DEFB129: variants seen among roughly 807,000 people sequenced by gnomAD.
DEFB129 encodes defensin beta 129, also known as beta-defensin 129.
In DEFB129, 2 loss-of-function variants were observed where a neutral mutation model predicts 2.5. The ratio of observed to expected loss-of-function variants is 0.80; its 90% CI spans 0.33 to 2.53. The LOEUF is 2.53. Ranked by LOEUF, DEFB129 falls within the 30% of genes most tolerant of loss-of-function variation. DEFB129 has a pLI of 0.11. For missense variants in DEFB129, 177 were observed against 216.9 expected (o/e 0.82, Z 1.16); for synonymous variants, 76 against 74.4 (o/e 1.02, Z -0.11).
intron 1 of DEFB129, 134 bp downstream of exon 1, chr20:227,480 T>C (rs1313930639): frequency 1.6e-5 from 17 of 1,043,470 alleles, no homozygotes; most frequent in African/African-American, 3.1e-5. Context: ...GCTTACCTAT[T>C]GTATCAGTCA....
At position 227,262 on chromosome 20, in the gene DEFB129, T is replaced by C. The variant is rs2298148; in HGVS notation, c.-27T>C. 0.1 allele frequency: 166,268 copies of C among 1,613,648 alleles called. 11,594 individuals carry two copies. Among genetic ancestry groups the C allele is most frequent in the African/African-American group, 0.33 (24,966 of 74,956 alleles). ...GGAGCTCAGGAGCATCAACCCAGAT[T>C]CAAGGCTTCCTCTCTGGCACCCAAC... is the stretch of plus-strand genomic sequence containing the variant. On this transcript the variant is annotated 5_prime_UTR_variant, in exon 1 of 2. Transcript: ENST00000246105.
Position 229,538 on chromosome 20 carries a change from A to T in DEFB129, c.319A>T (p.Ser107Cys). The change falls in exon 2 of 2, where the codon AGC becomes TGC. Residue 107 changes from serine to cysteine, a missense_variant. By Grantham distance (112) the Ser-to-Cys change is moderately radical (BLOSUM62 -1). Coordinates refer to ENST00000246105, the MANE Select transcript of DEFB129 (RefSeq NM_080831.4). ...TTTATCTGTTCTCCCCCAAATCAAA[A>T]GCACTAGCTTTTTTGCTAATACCAA... ...HILSVLPQIK[S>C]TSFFANTNFV... is the part of the protein sequence containing the mutation. The T allele has an allele frequency of 6.2e-7, 1 of 1,614,202 alleles. No individual in the cohort carries two copies. The highest frequency in any genetic ancestry group is 8.5e-7 in the Non-Finnish European group (1 of 1,180,040).
At chr20:228,615 T>C (rs923957000) in intron 1 of DEFB129, among the ~76,000 whole-genome samples, 1 of 152,198 alleles carries the variant, frequency 6.6e-6, no homozygotes, top group African/African-American at 2.4e-5. Flanking sequence ...GGAAAAGTCA[T>C]TCAGCAGATA....
At position 229,589 on chromosome 20, in the gene DEFB129, C is replaced by T. The variant is rs777725733; in HGVS notation, c.370C>T (p.Pro124Ser). ...CTTTGTCATCATTCCAAATGCCACC[C>T]CTATGAACTCTGCCACCATCAGCAC... ...TNFVIIPNAT[P>S]MNSATISTMT... Residue 124 changes from proline (P) to serine (S), a missense_variant, in exon 2 of 2, where the codon CCT becomes TCT. Physicochemically the swap from Pro to Ser is moderately conservative, Grantham distance 74 (BLOSUM62 -1). Transcript: ENST00000246105. 14 of 1,614,028 alleles carry T rather than the reference C, an allele frequency of 8.7e-6. No homozygotes were observed. The highest frequency in any genetic ancestry group is 7.7e-5 in the South Asian group (7 of 91,082).
chr20:229,642 T>A lies in DEFB129; in HGVS notation c.423T>A (p.Thr141=), dbSNP rs1373506141. 1 of 1,614,034 alleles carries A rather than the reference T, an allele frequency of 6.2e-7. No homozygotes were observed. The highest frequency in any genetic ancestry group is 8.5e-7 in the Non-Finnish European group (1 of 1,180,032). ...TGACCCCAGGACAGATCACATACAC[T>A]GCTACTTCTACCAAGAGTAACACCA... ...STMTPGQITY[T]ATSTKSNTKE... The change falls in exon 2 of 2, where the codon ACT becomes ACA. Residue 141 remains threonine (T), a synonymous_variant. Coordinates refer to ENST00000246105, the MANE Select transcript of DEFB129 (RefSeq NM_080831.4).
intron 1 of DEFB129, among the ~76,000 whole-genome samples, chr20:227,928 T>G (rs1243015169): frequency 6.6e-6 from 1 of 152,144 alleles, no homozygotes; most frequent in Non-Finnish European, 1.5e-5. Context: ...AGTTTGTGCT[T>G]GGTGTAGAAA....
At chr20:228,085 C>A (rs1011968464) in intron 1 of DEFB129, among the ~76,000 whole-genome samples, 2 of 152,172 alleles carry the variant, frequency 1.3e-5, no homozygotes, top group African/African-American at 4.8e-5. Context: ...CCCAAACTAC[C>A]ATAAGGGCAT....
At chr20:227,704 A>T (rs13038670) in intron 1 of DEFB129, among the ~76,000 whole-genome samples, 50,883 of 119,618 alleles carry the variant, frequency 0.43, 9,228 homozygotes, top group South Asian at 0.48. Context: ...CTTTTTTTTT[A>T]AAAAAAGTCC....
Position 229,590 on chromosome 20 carries a change from C to T in DEFB129, c.371C>T (p.Pro124Leu). 1.9e-6 allele frequency: 3 copies of T among 1,614,190 alleles called. No individual in the cohort carries two copies. The highest frequency in any genetic ancestry group is 2.5e-6 in the Non-Finnish European group (3 of 1,180,022). The change falls in exon 2 of 2, where the codon CCT becomes CTT. Residue 124 changes from proline (P) to leucine (L), a missense_variant. By Grantham distance (98) the Pro-to-Leu change is moderately conservative. Transcript: ENST00000246105. ...TNFVIIPNAT[P>L]MNSATISTMT... Reference sequence around the variant, plus strand: ...TTTGTCATCATTCCAAATGCCACCCCTATGAACTCTGCCACCATCAGCACT... The same window carrying T: ...TTTGTCATCATTCCAAATGCCACCCTTATGAACTCTGCCACCATCAGCACT...
chr20:227,264 A>G lies in DEFB129; in HGVS notation c.-25A>G. ...AGCTCAGGAGCATCAACCCAGATTC[A>G]AGGCTTCCTCTCTGGCACCCAACCA... is the stretch of plus-strand genomic sequence containing the variant. On this transcript the variant is annotated 5_prime_UTR_variant, in exon 1 of 2. Transcript: ENST00000246105. The G allele has an allele frequency of 6.2e-7, 1 of 1,613,904 alleles. No individual in the cohort carries two copies. The highest frequency in any genetic ancestry group is 1.3e-5 in the African/African-American group (1 of 75,064).
intron 1 of DEFB129, among the ~76,000 whole-genome samples, chr20:228,302 A>G (rs1473226475): frequency 1.3e-5 from 2 of 152,202 alleles, no homozygotes; most frequent in Non-Finnish European, 2.9e-5. Context: ...TTGGGACCCT[A>G]GGAAAAGGGT....
chr20:229,565 T>C lies in DEFB129; in HGVS notation c.346T>C (p.Phe116Leu). 1 of 1,614,148 alleles carries C rather than the reference T, an allele frequency of 6.2e-7. No individual in the cohort carries two copies. Among genetic ancestry groups the C allele is most frequent in the Admixed American group, 1.7e-5 (1 of 60,018 alleles). The change falls in exon 2 of 2, where the codon TTT (phenylalanine) becomes CTT (leucine). Residue 116 changes from phenylalanine to leucine, a missense_variant. Physicochemically the swap from Phe to Leu is conservative, Grantham distance 22. Transcript: ENST00000246105. ...KSTSFFANTN[F>L]VIIPNATPMN... Reference sequence around the variant, plus strand: ...CACTAGCTTTTTTGCTAATACCAACTTTGTCATCATTCCAAATGCCACCCC... The same window carrying C: ...CACTAGCTTTTTTGCTAATACCAACCTTGTCATCATTCCAAATGCCACCCC...
At chr20:227,962 CA>C (rs113262945) in intron 1 of DEFB129, among the ~76,000 whole-genome samples, 6 of 150,374 alleles carry the variant, frequency 4.0e-5, no homozygotes, top group Non-Finnish European at 8.9e-5. Flanking sequence ...CCCTCATGCT[CA>C]AAAAAAAACC....
intron 1 of DEFB129, among the ~76,000 whole-genome samples, chr20:227,694 C>CCTTTT (rs1555766363): frequency 1.4e-5 from 2 of 143,446 alleles, no homozygotes; most frequent in African/African-American, 5.9e-5. Flanking sequence ...CTTAAAAGCC[C>CCTTTT]TTTTTTTTTA....
In DEFB129 at chr20:229,676, A is replaced by G. The variant is rs767786446; in HGVS notation, c.457A>G (p.Arg153Gly). 1 of 1,614,108 alleles carries G rather than the reference A, an allele frequency of 6.2e-7. No individual in the cohort carries two copies. The highest frequency in any genetic ancestry group is 8.5e-7 in the Non-Finnish European group (1 of 1,180,024). The change falls in exon 2 of 2, where the codon AGA becomes GGA. Residue 153 changes from arginine (R) to glycine (G), a missense_variant. Coordinates refer to ENST00000246105, the MANE Select transcript of DEFB129 (RefSeq NM_080831.4). ...TSTKSNTKES[R>G]DSATASPPPA... ...TACCAAGAGTAACACCAAAGAAAGC[A>G]GAGATTCTGCCACTGCCTCGCCACC...
In DEFB129 at chr20:229,230, T is replaced by C. The variant is rs73892088; in HGVS notation, c.59-48T>C. 1.1e-3 allele frequency: 1,732 copies of C among 1,532,334 alleles called. 25 individuals carry two copies. In the African/African-American group the frequency reaches 0.022, roughly 19 times the overall value. 94.9% of individuals were successfully genotyped at this position (1,532,334 alleles called of 1,614,324 possible). On this transcript the variant is annotated intron_variant, in intron 1 of 1. Transcript: ENST00000246105. ...TCTCCCACTAGCAGTTTTAACATCA[T>C]CTCTAGTTATTAACCTTGGCTCAAT...
Position 229,855 on chromosome 20 carries a change from G to C in DEFB129, c.*84G>C, listed in dbSNP as rs1185784839. 2.8e-5 allele frequency: 42 copies of C among 1,489,324 alleles called. No homozygotes were observed. Among genetic ancestry groups the C allele is most frequent in the Non-Finnish European group, 3.3e-5 (37 of 1,123,318 alleles). The allele number at this position is 1,489,324 out of a possible 1,614,324, so 92.3% of individuals were successfully genotyped here. On this transcript the variant is annotated 3_prime_UTR_variant, in exon 2 of 2. Coordinates refer to ENST00000246105, the MANE Select transcript of DEFB129 (RefSeq NM_080831.4). ...CATAGAACTGTTTCCTCTGTCATCAGTCATTCAATAAACACTGTTTGAGCA... is the reference window on the plus strand; with the variant it reads ...CATAGAACTGTTTCCTCTGTCATCACTCATTCAATAAACACTGTTTGAGCA...
chr20:229,415 T>C lies in DEFB129; in HGVS notation c.196T>C (p.Tyr66His). The C allele has an allele frequency of 6.2e-7, 1 of 1,614,150 alleles. No homozygotes were observed. Among genetic ancestry groups the C allele is most frequent in the Non-Finnish European group, 8.5e-7 (1 of 1,180,032 alleles). Residue 66 changes from tyrosine to histidine, a missense_variant, in exon 2 of 2, where the codon TAC (tyrosine) becomes CAC (histidine). By Grantham distance (83) the Tyr-to-His change is moderately conservative. Transcript: ENST00000246105. Reference protein sequence around the residue: ...GPKVVKLIKNYLQYGTPNVLN... With the variant: ...GPKVVKLIKNHLQYGTPNVLN... ...AAAAGTGGTTAAATTGATTAAAAAC[T>C]ACCTGCAATATGGAACACCAAATGT... is the stretch of plus-strand genomic sequence containing the variant.
chr20:227,269 T>C lies in DEFB129; in HGVS notation c.-20T>C. ...AGGAGCATCAACCCAGATTCAAGGC[T>C]TCCTCTCTGGCACCCAACCATGAAG... On this transcript the variant is annotated 5_prime_UTR_variant, in exon 1 of 2. Transcript: ENST00000246105. 3 of 1,614,022 alleles carry C rather than the reference T, an allele frequency of 1.9e-6. No individual in the cohort carries two copies. The highest frequency in any genetic ancestry group is 2.5e-6 in the Non-Finnish European group (3 of 1,179,894).
Sources: allele counts gnomAD v4.1 joint callset (sites outside exome capture counted in the v4.1 genomes callset), GRCh38; gene constraint gnomAD v4.1.1; transcripts MANE v1.5; gene names NCBI Gene and HGNC (gene_info 2026-07-23, HGNC 2026-07-21).